UBE3D: variants seen among roughly 807,000 people sequenced by gnomAD.
UBE3D encodes ubiquitin protein ligase E3D.
In UBE3D, 48 loss-of-function variants were observed where a neutral mutation model predicts 49.6. That is an observed-to-expected ratio of 0.97 (90% CI 0.77 to 1.23). The LOEUF (loss-of-function observed/expected upper bound fraction) is 1.23, where lower values mean the gene tolerates loss of function less well. Ranked by LOEUF, UBE3D falls within the 50% of genes most tolerant of loss-of-function variation. The pLI, the probability that UBE3D is intolerant of heterozygous loss-of-function variation, is 0.00. For missense variants in UBE3D, 452 were observed against 468.4 expected, an observed-to-expected ratio of 0.96 and a Z score of 0.32; for synonymous variants, 189 against 174.2, an observed-to-expected ratio of 1.08 and a Z score of -0.67.
chr6:82,938,353 G>T (rs774920009), intron 9 of UBE3D: 3 of 152,152 alleles, frequency 2.0e-5, no homozygotes, highest in Non-Finnish European at 4.4e-5. Flanking sequence ...CAGACGTGCC[G>T]TGAGAGAGAG....
chr6:83,015,923 T>C (rs961124078), intron 8 of UBE3D, among the ~76,000 whole-genome samples: 1 of 152,158 alleles, frequency 6.6e-6, no homozygotes, highest in African/African-American at 2.4e-5. Context: ...GAAAGTTTCA[T>C]TGGAGTTTAC....
chr6:83,039,633 TTTTTGTTTTGTTTTA>T (rs1030234278), intron 4 of UBE3D, among the ~76,000 whole-genome samples: 1 of 152,132 alleles, frequency 6.6e-6, no homozygotes, highest in Non-Finnish European at 1.5e-5. Flanking sequence ...GTTTTGTTTT[TTTTTGTTTTGTTTTA>T]TTTTGTTTTG....
Position 83,019,110 on chromosome 6 carries a change from C to T in UBE3D, c.873G>A (p.Leu291=). Reference sequence around the variant, plus strand: ...TGGAATTTCTCAAAGATTCAATCACCAAACTGTCTGAATTTAAAAGCCATA... The same window carrying T: ...TGGAATTTCTCAAAGATTCAATCACTAAACTGTCTGAATTTAAAAGCCATA... ...ILLWLLNSDS[L]VIESLRNSKY... The change falls in exon 8 of 10, where the codon TTG becomes TTA. Residue 291 remains leucine, a synonymous_variant. Transcript: ENST00000369747. 1 of 1,613,054 alleles carries T rather than the reference C, an allele frequency of 6.2e-7. No individual in the cohort carries two copies. The highest frequency in any genetic ancestry group is 8.5e-7 in the Non-Finnish European group (1 of 1,179,690).
intron 5 of UBE3D, chr6:83,038,208 T>TA: frequency 2.2e-6 from 1 of 446,744 alleles, no homozygotes; most frequent in South Asian, 3.5e-5. Context: ...TCTTAATACT[T>TA]AAAATTCAAT....
chr6:83,018,742 T>C (rs908113971), intron 8 of UBE3D: 10 of 488,626 alleles, frequency 2.0e-5, no homozygotes, highest in African/African-American at 2.0e-4. Context: ...ACAGCTTAGA[T>C]TACAAGAAAA....
intron 7 of UBE3D, among the ~76,000 whole-genome samples, chr6:83,021,263 A>G (rs941735385): frequency 3.3e-5 from 5 of 152,170 alleles, no homozygotes; most frequent in African/African-American, 1.2e-4. Flanking sequence ...CAACATAGCA[A>G]GACCTCGTCT....
At chr6:82,959,717 CAAAAAAAAA>C (rs778278435) in intron 8 of UBE3D, among the ~76,000 whole-genome samples, 2 of 37,730 alleles carry the variant, frequency 5.3e-5, no homozygotes, top group Admixed American at 4.1e-4. Context: ...GTGAGACCTC[CAAAAAAAAA>C]AAAAAAAAAA....
At chr6:83,007,821 T>G (rs1780081539) in intron 8 of UBE3D, among the ~76,000 whole-genome samples, 1 of 152,164 alleles carries the variant, frequency 6.6e-6, no homozygotes, top group Non-Finnish European at 1.5e-5. Context: ...GATGTACACC[T>G]GTAATCCCAG....
rs760439242 is a variant in UBE3D at position 83,065,680 on chromosome 6, C to G, written c.39G>C (p.Glu13Asp). Reference protein sequence around the residue: ...ASAAETRVFLEVRGQLQSALL... With the variant: ...ASAAETRVFLDVRGQLQSALL... ...GCGCGCTCTGCAGCTGTCCCCGCAC[C>G]TCCAGAAACACGCGCGTCTCCGCCG... Residue 13 changes from glutamate to aspartate, a missense_variant, in exon 1 of 10, where the codon GAG (glutamate) becomes GAC (aspartate). Glu to Asp is a conservative substitution (Grantham distance 45). Coordinates refer to ENST00000369747, the MANE Select transcript of UBE3D (RefSeq NM_198920.3). 6.2e-7 allele frequency: 1 copy of G among 1,613,718 alleles called. No homozygotes were observed. Among genetic ancestry groups the G allele is most frequent in the East Asian group, 2.2e-5 (1 of 44,834 alleles).
chr6:82,990,271 T>C (rs952662830), intron 8 of UBE3D, among the ~76,000 whole-genome samples: 4 of 152,010 alleles, frequency 2.6e-5, no homozygotes, highest in Non-Finnish European at 4.4e-5. Context: ...ATGAGAGAAA[T>C]TGCCTTTCCT....
chr6:82,948,104 AAAC>A (rs1404345530), intron 9 of UBE3D, among the ~76,000 whole-genome samples: 1 of 151,908 alleles, frequency 6.6e-6, no homozygotes, highest in East Asian at 1.9e-4. Flanking sequence ...TTGAAGAGGC[AAAC>A]AAAATTGACA....
At chr6:83,000,808 T>G (rs1779574449) in intron 8 of UBE3D, among the ~76,000 whole-genome samples, 1 of 151,286 alleles carries the variant, frequency 6.6e-6, no homozygotes, top group African/African-American at 2.4e-5. Context: ...CACAGTAAAC[T>G]CCTTCTCCTC....
chr6:82,975,369 C>G (rs893695414), intron 8 of UBE3D, among the ~76,000 whole-genome samples: 1 of 152,114 alleles, frequency 6.6e-6, no homozygotes, highest in African/African-American at 2.4e-5. Context: ...CTTCACTTAG[C>G]TTATGCAAAC....
chr6:82,980,977 TC>T (rs34785116), intron 8 of UBE3D, among the ~76,000 whole-genome samples: 28 of 152,216 alleles, frequency 1.8e-4, no homozygotes, highest in African/African-American at 6.7e-4. Flanking sequence ...TGGATGAGTT[TC>T]CTTACTATTC....
rs1242136693 is a variant in UBE3D, at chr6:83,031,916, G to C, written c.667+6500C>G. Among the ~76,000 whole-genome samples the C allele has an allele frequency of 2.0e-5, 3 of 152,182 alleles. No individual in the cohort carries two copies. The East Asian group carries it at 5.8e-4, about 29-fold the overall frequency. On this transcript the variant is annotated intron_variant, in intron 5 of 9. Coordinates refer to ENST00000369747, the MANE Select transcript of UBE3D (RefSeq NM_198920.3). ...AATTCCATGTGGTGACAAGCCTGTG[G>C]GTGCACAGAAGTCAAGAGTTGAGGT... is the stretch of plus-strand genomic sequence containing the variant.
intron 5 of UBE3D, chr6:83,032,354 G>A (rs1562207914): frequency 6.8e-6 from 3 of 444,272 alleles, no homozygotes; most frequent in South Asian, 3.2e-5. Flanking sequence ...GAGCTTTAAG[G>A]TTTGACTACT....
At position 83,021,225 on chromosome 6, in the gene UBE3D, C is replaced by T. The variant is rs571951632; in HGVS notation, c.846+1228G>A. On this transcript the variant is annotated intron_variant, in intron 7 of 9. Transcript: ENST00000369747. ...GGAGGCCAAAGTGGGAGGATTACTT[C>T]AGCCCAGGAGTTTGAGACCAACCTG... Among the ~76,000 whole-genome samples, 4 of 152,148 alleles carry T rather than the reference C, an allele frequency of 2.6e-5. No individual in the cohort carries two copies. The South Asian group carries it at 8.3e-4, about 32-fold the overall frequency.
chr6:83,012,499 TGGACC>T (rs1053524875), intron 8 of UBE3D, among the ~76,000 whole-genome samples: 2 of 152,218 alleles, frequency 1.3e-5, no homozygotes, highest in African/African-American at 4.8e-5. Context: ...ACTTTCTTCA[TGGACC>T]TATTGGGCAA....
At chr6:82,939,107 C>A (rs922123117) in intron 9 of UBE3D, among the ~76,000 whole-genome samples, 1 of 151,628 alleles carries the variant, frequency 6.6e-6, no homozygotes, top group Admixed American at 6.6e-5. Flanking sequence ...AATGTCATCA[C>A]AGAATTAGAC....
Sources: gnomAD v4.1 joint callset for allele counts (sites outside exome capture counted in the v4.1 genomes callset) on GRCh38, gnomAD v4.1.1 for gene constraint, MANE v1.5 for transcripts, NCBI Gene and HGNC (gene_info 2026-07-23, HGNC 2026-07-21) for gene names.